The following TESPA1 variants were observed in gnomAD, a reference collection of about 807,000 sequenced individuals.
The protein encoded by TESPA1 is thymocyte expressed, positive selection associated 1.
A neutral mutation model predicts 57.9 loss-of-function variants in TESPA1; 33 were observed. The ratio of observed to expected loss-of-function variants is 0.57; its 90% CI spans 0.43 to 0.76. The LOEUF (loss-of-function observed/expected upper bound fraction) is 0.76. Ranked by LOEUF, TESPA1 falls within the 30% of genes least tolerant of loss-of-function variation. The pLI is 0.00. For synonymous variants in TESPA1, 227 were observed against 228.9 expected (o/e 0.99, Z 0.07); for missense variants, 618 against 632.9 (o/e 0.98, Z 0.25).
chr12:54,969,834 G>A (rs890024942), intron 3 of TESPA1, among the ~76,000 whole-genome samples: 3 of 152,202 alleles, frequency 2.0e-5, no homozygotes, highest in Admixed American at 6.5e-5. Flanking sequence ...GAAACGGACG[G>A]AAAGGAGGCA....
chr12:54,949,299 C>T lies in TESPA1; in HGVS notation c.*1093G>A, dbSNP rs2252690. 109,303 of 151,698 alleles carry T rather than the reference C, an allele frequency of 0.72. 39,586 individuals are homozygous for T. Among genetic ancestry groups the T allele is most frequent in the South Asian group, 0.84 (4,066 of 4,816 alleles). The allele number at this position is 151,698 out of a possible 1,614,324, so 9.4% of individuals were successfully genotyped here. ...AGCACCAGAACAAAATCAACTTCTG[C>T]TTATCATGTCTGGTGTAATTTTTTC... On this transcript the variant is annotated 3_prime_UTR_variant, in exon 11 of 11. Transcript: ENST00000449076.
Position 54,962,491 on chromosome 12 carries a change from G to A in TESPA1, c.1407C>T (p.Asp469=). 6 of 1,613,202 alleles carry A rather than the reference G, an allele frequency of 3.7e-6. No homozygotes were observed. Among genetic ancestry groups the A allele is most frequent in the Non-Finnish European group, 5.1e-6 (6 of 1,179,894 alleles). Reference sequence around the variant, plus strand: ...TTAAAGACCGACGCAGTTCTGGTCTGTCTACACTCTGCTTCCATTTCTGCT... The same window carrying A: ...TTAAAGACCGACGCAGTTCTGGTCTATCTACACTCTGCTTCCATTTCTGCT... ...ITQQKWKQSV[D]RPELRRSLSQ... The change falls in exon 9 of 11, where the codon GAC becomes GAT. Residue 469 remains aspartate (D), a synonymous_variant. Transcript: ENST00000449076.
chr12:54,960,836 C>T (rs1435358326), intron 10 of TESPA1, among the ~76,000 whole-genome samples: 1 of 152,164 alleles, frequency 6.6e-6, no homozygotes, highest in East Asian at 1.9e-4. Context: ...AATAGCATCA[C>T]CTGAGAACTT....
In TESPA1 at chr12:54,966,059, C is replaced by T. The variant is rs1408934435; in HGVS notation, c.440G>A (p.Ser147Asn). ...GCCAAACTTCAGTACCTACCTTGAACTAGTCTTGTTGGTCCCCCCAGTCAT... is the reference window on the plus strand; with the variant it reads ...GCCAAACTTCAGTACCTACCTTGAATTAGTCTTGTTGGTCCCCCCAGTCAT... ...SSMTGGTNKT[S>N]SSISEILDKV... Residue 147 changes from serine (S) to asparagine (N), a missense_variant, in exon 7 of 11, where the codon AGT (serine) becomes AAT (asparagine). By Grantham distance (46) the Ser-to-Asn change is conservative. Coordinates refer to ENST00000449076, the MANE Select transcript of TESPA1 (RefSeq NM_001136030.3). 1 of 1,571,008 alleles carries T rather than the reference C, an allele frequency of 6.4e-7. No individual in the cohort carries two copies. The highest frequency in any genetic ancestry group is 8.6e-7 in the Non-Finnish European group (1 of 1,156,902).
At chr12:54,976,360 AAGAAAAT>A (rs1379863222) in intron 1 of TESPA1, among the ~76,000 whole-genome samples, 1 of 152,172 alleles carries the variant, frequency 6.6e-6, no homozygotes, top group Admixed American at 6.5e-5. Context: ...AAACCCAGAG[AAGAAAAT>A]CACAAAGGCC....
At chr12:54,981,356 T>A (rs1487376072) in intron 1 of TESPA1, among the ~76,000 whole-genome samples, 1 of 146,276 alleles carries the variant, frequency 6.8e-6, no homozygotes, top group African/African-American at 2.5e-5. Context: ...AAAGATTTTT[T>A]AAATCTGTGT....
chr12:54,967,949 T>G, intron 3 of TESPA1, 57 bp from the exon 4 acceptor site: 2 of 1,610,492 alleles, frequency 1.2e-6, no homozygotes, highest in African/African-American at 2.7e-5. Flanking sequence ...CCAAGGAGCT[T>G]TTTCATGGAA....
chr12:54,954,466 T>A (rs10783704), intron 10 of TESPA1, among the ~76,000 whole-genome samples: 31,236 of 152,192 alleles, frequency 0.21, 5,456 homozygotes, highest in East Asian at 0.84. Context: ...TCTGCATTGC[T>A]TAATCCCCAT....
chr12:54,970,980 C>T (rs958291306), intron 3 of TESPA1, among the ~76,000 whole-genome samples: 1 of 152,106 alleles, frequency 6.6e-6, no homozygotes, highest in Non-Finnish European at 1.5e-5. Context: ...ATCCCGAGAG[C>T]TTAGGAGGAG....
chr12:54,966,027 C>T (rs1392462537), intron 7 of TESPA1, 26 bp downstream of exon 7: 6 of 1,554,488 alleles, frequency 3.9e-6, no homozygotes, highest in Non-Finnish European at 5.2e-6. Flanking sequence ...CTCCACCCTT[C>T]CACCCTGCCA....
intron 10 of TESPA1, among the ~76,000 whole-genome samples, chr12:54,960,514 G>A (rs1469485489): frequency 6.6e-6 from 1 of 152,220 alleles, no homozygotes; most frequent in Non-Finnish European, 1.5e-5. Context: ...TGAGTTCAAT[G>A]ATGTGGGCTG....
intron 10 of TESPA1, among the ~76,000 whole-genome samples, chr12:54,953,453 C>G (rs1950522967): frequency 6.6e-6 from 1 of 152,064 alleles, no homozygotes; most frequent in Non-Finnish European, 1.5e-5. Context: ...CTCTCCTCAG[C>G]CACCTTCTCC....
intron 1 of TESPA1, among the ~76,000 whole-genome samples, chr12:54,981,516 C>T (rs1280496102): frequency 6.6e-6 from 1 of 151,744 alleles, no homozygotes; most frequent in East Asian, 1.9e-4. Context: ...CACATGTATA[C>T]ATATGTAACA....
rs780779807 is a variant in TESPA1 at position 54,967,196 on chromosome 12, G to A, written c.297C>T (p.Thr99=). The A allele has an allele frequency of 9.9e-6, 16 of 1,612,558 alleles. No homozygotes were observed. Among genetic ancestry groups the A allele is most frequent in the Non-Finnish European group, 1.4e-5 (16 of 1,179,552 alleles). ...SHGTSFEDDL[T]LGAEATLLAA... ...TGTGCCACTTACCCTCCGCTCCCAG[G>A]GTCAAGTCATCTTCAAAGCTGGTCC... The change falls in exon 5 of 11, where the codon ACC becomes ACT. Residue 99 remains threonine, a synonymous_variant. Transcript: ENST00000449076.
chr12:54,954,814 T>C (rs994919474), intron 10 of TESPA1, among the ~76,000 whole-genome samples: 1 of 152,242 alleles, frequency 6.6e-6, no homozygotes, highest in Non-Finnish European at 1.5e-5. Context: ...ATATGTCTCA[T>C]TTTCTTTATC....
chr12:54,974,520 G>C lies in TESPA1; in HGVS notation c.43C>G (p.Arg15Gly). The C allele has an allele frequency of 2.5e-6, 4 of 1,599,962 alleles. No homozygotes were observed. Among genetic ancestry groups the C allele is most frequent in the Non-Finnish European group, 3.4e-6 (4 of 1,173,230 alleles). ...TTACGGCTCTGACGGAGCCAGGCCC[G>C]CCGTTTCTCCCAGGATGTGGGGCTC... is the stretch of plus-strand genomic sequence containing the variant. ...VLSPTSWEKR[R>G]AWLRQSRNWQ... is the part of the protein sequence containing the mutation. The change falls in exon 2 of 11, where the codon CGG becomes GGG. Residue 15 changes from arginine (R) to glycine (G), a missense_variant. Around this residue, in one of 3 missense-constraint regions of TESPA1, gnomAD observed 199 missense variants for 184.0 expected, o/e 1.08. Coordinates refer to ENST00000449076, the MANE Select transcript of TESPA1 (RefSeq NM_001136030.3).
In TESPA1 at chr12:54,974,543, C is replaced by T. The variant is rs866189777; in HGVS notation, c.20G>A (p.Ser7Asn). Reference protein sequence around the residue: MEASVLSPTSWEKRRAW... With the variant: MEASVLNPTSWEKRRAW... ...CCGCCGTTTCTCCCAGGATGTGGGGCTCAGCACAGAGGCCTCCATGGCCCT... is the reference window on the plus strand; with the variant it reads ...CCGCCGTTTCTCCCAGGATGTGGGGTTCAGCACAGAGGCCTCCATGGCCCT... Residue 7 changes from serine to asparagine, a missense_variant, in exon 2 of 11, where the codon AGC becomes AAC. Ser to Asn is a conservative substitution (Grantham distance 46). Transcript: ENST00000449076. The T allele has an allele frequency of 6.3e-7, 1 of 1,596,112 alleles. No homozygotes were observed. The highest frequency in any genetic ancestry group is 8.5e-7 in the Non-Finnish European group (1 of 1,171,114).
At chr12:54,983,113 C>T (rs918015683) in intron 1 of TESPA1, among the ~76,000 whole-genome samples, 11 of 152,156 alleles carry the variant, frequency 7.2e-5, no homozygotes, top group South Asian at 2.1e-4. Flanking sequence ...TTGGCTGAGA[C>T]GAGACCTCCA....
At chr12:54,958,032 C>T (rs1950838944) in intron 10 of TESPA1, among the ~76,000 whole-genome samples, 1 of 152,168 alleles carries the variant, frequency 6.6e-6, no homozygotes, top group Admixed American at 6.5e-5. Flanking sequence ...TAGTTAGGTA[C>T]TTGAAATGTA....
Sources: allele counts gnomAD v4.1 joint callset (sites outside exome capture counted in the v4.1 genomes callset), GRCh38; gene constraint gnomAD v4.1.1; regional missense constraint gnomAD v4.1.1; transcripts MANE v1.5; gene names NCBI Gene and HGNC (gene_info 2026-07-23, HGNC 2026-07-21).